The following DDX21 variants were observed in gnomAD, a reference collection of about 807,000 sequenced individuals.
The protein encoded by DDX21 is nucleolar RNA helicase 2.
In DDX21, 18 loss-of-function variants were observed where a neutral mutation model predicts 90.0. That is an observed-to-expected ratio of 0.20 (90% CI 0.14 to 0.30). The LOEUF (loss-of-function observed/expected upper bound fraction) is 0.30, where lower values mean the gene tolerates loss of function less well. DDX21 is among the 10% of genes least tolerant of loss of function. DDX21 has a pLI of 1.00. For synonymous variants in DDX21, 294 were observed against 318.0 expected (o/e 0.92, Z 0.80); for missense variants, 673 against 944.5 (o/e 0.71, Z 3.77).
chr10:68,981,699 C>A, intron 14 of DDX21, 118 bp downstream of exon 14: 2 of 929,630 alleles, frequency 2.2e-6, no homozygotes, highest in South Asian at 1.7e-5. Flanking sequence ...AAGAGATAAT[C>A]GATAATTAAA....
In DDX21 at chr10:68,960,697, A is replaced by G. The variant is rs543339853; in HGVS notation, c.531+448A>G. On this transcript the variant is annotated intron_variant, in intron 2 of 14. Coordinates refer to ENST00000354185, the MANE Select transcript of DDX21 (RefSeq NM_004728.4). ...AGGCTGGTCTCGAACTCCCAACCCC[A>G]GGTGATCTGCCCGCCTGGGCCTCCC... is the stretch of plus-strand genomic sequence containing the variant. Among the ~76,000 whole-genome samples the G allele has an allele frequency of 1.4e-3, 215 of 151,694 alleles. 1 individual carries two copies. The highest frequency in any genetic ancestry group is 4.9e-3 in the African/African-American group (203 of 41,328).
In DDX21 at chr10:68,971,773, A is replaced by G. The variant is rs1030386381; in HGVS notation, c.1387-118A>G. The G allele has an allele frequency of 4.3e-6, 4 of 931,790 alleles. No individual in the cohort carries two copies. The African/African-American group carries it at 5.0e-5, about 12-fold the overall frequency. 57.7% of individuals were successfully genotyped at this position (931,790 alleles called of 1,614,324 possible). ...TTCAAGACACATTTTCCCCTTTGTA[A>G]TGTTTTCAACAGGCATGTCACCAAA... On this transcript the variant is annotated intron_variant, in intron 8 of 14. Coordinates refer to ENST00000354185, the MANE Select transcript of DDX21 (RefSeq NM_004728.4).
chr10:68,977,039 T>C (rs1415181110), intron 11 of DDX21, among the ~76,000 whole-genome samples: 1 of 151,912 alleles, frequency 6.6e-6, no homozygotes, highest in East Asian at 1.9e-4. Context: ...GCCTCCCAAG[T>C]AGCTGGGACT....
intron 1 of DDX21, 29 bp downstream of exon 1, chr10:68,956,341 G>A (rs1467693906): frequency 1.2e-6 from 2 of 1,613,512 alleles, no homozygotes; most frequent in Non-Finnish European, 1.7e-6. Flanking sequence ...GGGCCAGGAG[G>A]GACGCTGAAT....
At chr10:68,965,328 G>T in intron 4 of DDX21, 49 bp from the exon 5 acceptor site, 1 of 1,478,602 alleles carries the variant, frequency 6.8e-7, no homozygotes, top group South Asian at 1.2e-5. Context: ...ACTAGATTAA[G>T]AAACAAATAC....
At chr10:68,965,802 C>T (rs1368826970) in intron 5 of DDX21, among the ~76,000 whole-genome samples, 1 of 152,194 alleles carries the variant, frequency 6.6e-6, no homozygotes, top group African/African-American at 2.4e-5. Context: ...CAAGGTTCCT[C>T]TTGTCTGTCA....
At chr10:68,981,441 TTTTG>T in intron 13 of DDX21, 92 bp from the exon 14 acceptor site, 1 of 1,184,094 alleles carries the variant, frequency 8.4e-7, no homozygotes, top group Non-Finnish European at 1.2e-6. Context: ...GCTTTATGTT[TTTTG>T]TTTTCTTTTT....
In DDX21 at chr10:68,963,918, A is replaced by G. The variant is rs546977027; in HGVS notation, c.786+449A>G. ...GATCGAGACCATCCTGGCTAACAAC[A>G]TGAAAGCCCATCTCTAATAAAAATA... On this transcript the variant is annotated intron_variant, in intron 4 of 14. Transcript: ENST00000354185. Among the ~76,000 whole-genome samples, 5 of 152,006 alleles carry G rather than the reference A, an allele frequency of 3.3e-5. No individual in the cohort carries two copies. In the East Asian group the frequency reaches 7.7e-4, roughly 24 times the overall value.
intron 6 of DDX21, among the ~76,000 whole-genome samples, chr10:68,968,660 TTC>T (rs1249499838): frequency 5.3e-5 from 8 of 152,254 alleles, no homozygotes; most frequent in Non-Finnish European, 1.2e-4. Flanking sequence ...TGGACAAGAA[TTC>T]TAAATTCATA....
chr10:68,975,198 A>C (rs1843082437), intron 11 of DDX21, among the ~76,000 whole-genome samples: 1 of 152,222 alleles, frequency 6.6e-6, no homozygotes, highest in African/African-American at 2.4e-5. Context: ...TACATTCCAA[A>C]TCTACATTAA....
chr10:68,959,718 G>T (rs1842848085), intron 1 of DDX21, 88 bp from the exon 2 acceptor site: 2 of 1,006,248 alleles, frequency 2.0e-6, no homozygotes, highest in Admixed American at 3.4e-5. Context: ...AGTTGAAAAT[G>T]ATCTTGAAAT....
In DDX21 at chr10:68,962,164, T is replaced by C. The variant is rs1392876771; in HGVS notation, c.607+7T>C. 1.3e-6 allele frequency: 2 copies of C among 1,576,546 alleles called. No homozygotes were observed. Among genetic ancestry groups the C allele is most frequent in the South Asian group, 1.1e-5 (1 of 88,290 alleles). The stretch of plus-strand genomic sequence containing the variant: ...ACTATTAAACTTCTCAAAGGTAATG[T>C]TCTTGGAAATATCGTATGATGTTAG... On this transcript the variant is annotated splice_region_variant and intron_variant, in intron 3 of 14. Transcript: ENST00000354185.
chr10:68,972,232 G>C (rs1181123433), intron 9 of DDX21, among the ~76,000 whole-genome samples, 180 bp downstream of exon 9: 1 of 152,170 alleles, frequency 6.6e-6, no homozygotes, highest in Non-Finnish European at 1.5e-5. Flanking sequence ...ACTGACACTT[G>C]AGTAGAAGTG....
At chr10:68,973,983 A>G (rs1404594825) in intron 10 of DDX21, among the ~76,000 whole-genome samples, 1 of 152,208 alleles carries the variant, frequency 6.6e-6, no homozygotes, top group African/African-American at 2.4e-5. Flanking sequence ...CAAAAGGATA[A>G]AGGGGAGAAG....
At chr10:68,961,651 T>C (rs1842873456) in intron 2 of DDX21, among the ~76,000 whole-genome samples, 1 of 152,218 alleles carries the variant, frequency 6.6e-6, no homozygotes, top group Non-Finnish European at 1.5e-5. Context: ...TACTATCAAA[T>C]AATGCCACAG....
chr10:68,964,975 T>C (rs1459556833), intron 4 of DDX21, among the ~76,000 whole-genome samples: 1 of 152,108 alleles, frequency 6.6e-6, no homozygotes, highest in African/African-American at 2.4e-5. Context: ...ATAGATCAAA[T>C]TCATATTGCT....
chr10:68,982,856 G>A lies in DDX21; in HGVS notation c.*44G>A. On this transcript the variant is annotated 3_prime_UTR_variant, in exon 15 of 15. Coordinates refer to ENST00000354185, the MANE Select transcript of DDX21 (RefSeq NM_004728.4). Reference sequence around the variant, plus strand: ...TATAGCAAAAAGAGAATGATGTTTGGCAATATAGAACTGAACATTATTTTT... The same window carrying A: ...TATAGCAAAAAGAGAATGATGTTTGACAATATAGAACTGAACATTATTTTT... 1 of 1,605,882 alleles carries A rather than the reference G, an allele frequency of 6.2e-7. No individual in the cohort carries two copies. Among genetic ancestry groups the A allele is most frequent in the Non-Finnish European group, 8.5e-7 (1 of 1,175,336 alleles).
chr10:68,961,864 G>C (rs1324397797), intron 2 of DDX21, among the ~76,000 whole-genome samples: 2 of 152,140 alleles, frequency 1.3e-5, no homozygotes, highest in East Asian at 1.9e-4. Context: ...ATTTGCCTCA[G>C]ATTTTTCTTT....
chr10:68,969,109 A>C lies in DDX21; in HGVS notation c.1224A>C (p.Ala408=). The C allele has an allele frequency of 6.2e-7, 1 of 1,611,200 alleles. No individual in the cohort carries two copies. Among genetic ancestry groups the C allele is most frequent in the Non-Finnish European group, 8.5e-7 (1 of 1,179,456 alleles). ...TTGGTAAAAAGACTCAGAAAACGGCAATAACTGTGGAGGTAAATTATTTAC... is the reference window on the plus strand; with the variant it reads ...TTGGTAAAAAGACTCAGAAAACGGCCATAACTGTGGAGGTAAATTATTTAC... The part of the protein sequence containing the change: ...DLIGKKTQKT[A]ITVEHLAIKC... The change falls in exon 7 of 15, where the codon GCA becomes GCC. Residue 408 remains alanine (A), a synonymous_variant. Transcript: ENST00000354185.
Sources: gnomAD v4.1 joint callset for allele counts (sites outside exome capture counted in the v4.1 genomes callset) on GRCh38, gnomAD v4.1.1 for gene constraint, MANE v1.5 for transcripts, NCBI Gene and HGNC (gene_info 2026-07-23, HGNC 2026-07-21) for gene names.